The following TECRL variants were observed in gnomAD, a reference collection of about 807,000 sequenced individuals.
The protein encoded by TECRL is trans-2,3-enoyl-CoA reductase-like.
Under a neutral mutation model 52.8 loss-of-function variants are expected in TECRL, and 63 were observed. The ratio of observed to expected loss-of-function variants is 1.19; its 90% CI spans 0.97 to 1.47. The LOEUF is 1.47. Ranked by LOEUF, TECRL falls within the 40% of genes most tolerant of loss-of-function variation. The pLI is 0.00. For missense variants in TECRL, 482 were observed against 429.6 expected, an observed-to-expected ratio of 1.12 and a Z score of -1.08; for synonymous variants, 164 against 141.9, an observed-to-expected ratio of 1.16 and a Z score of -1.10.
At chr4:64,315,824 A>G (rs1717459139) in intron 4 of TECRL, among the ~76,000 whole-genome samples, 1 of 152,116 alleles carries the variant, frequency 6.6e-6, no homozygotes, top group African/African-American at 2.4e-5. Context: ...ATAGTAATTT[A>G]CATATGGAGG....
At chr4:64,374,718 A>G (rs1043192545) in intron 2 of TECRL, among the ~76,000 whole-genome samples, 10 of 152,060 alleles carry the variant, frequency 6.6e-5, no homozygotes, top group Non-Finnish European at 1.3e-4. Context: ...AGCTTCATCC[A>G]TGTCCCTACA....
intron 1 of TECRL, among the ~76,000 whole-genome samples, chr4:64,387,182 A>G (rs572258898): frequency 2.9e-4 from 44 of 152,204 alleles, no homozygotes; most frequent in African/African-American, 9.6e-4. Context: ...ACCTTTTCAG[A>G]TTGCATTTTT....
At chr4:64,400,699 T>A (rs1186231308) in intron 1 of TECRL, among the ~76,000 whole-genome samples, 1 of 152,054 alleles carries the variant, frequency 6.6e-6, no homozygotes. Context: ...GATCTGATTG[T>A]TTAAAAGTGT....
At chr4:64,358,325 A>G (rs1720928621) in intron 2 of TECRL, among the ~76,000 whole-genome samples, 1 of 151,836 alleles carries the variant, frequency 6.6e-6, no homozygotes, top group Admixed American at 6.6e-5. Flanking sequence ...CAACATCTAA[A>G]AAATATTGTT....
At chr4:64,296,596 A>G (rs1723697440) in intron 8 of TECRL, among the ~76,000 whole-genome samples, 1 of 151,784 alleles carries the variant, frequency 6.6e-6, no homozygotes, top group Non-Finnish European at 1.5e-5. Context: ...CCTTTTTGGT[A>G]AAATCCTCAT....
rs536453475 is a variant in TECRL at position 64,383,908 on chromosome 4, TC to T, written c.235-8686del. ...TGGCAAAAATTTTTTCCTGTAGATG[TC>T]CCTGTAGTGTTTGTTGGGCAGGGCA... On this transcript the variant is annotated intron_variant, in intron 1 of 11. Coordinates refer to ENST00000381210, the MANE Select transcript of TECRL (RefSeq NM_001010874.5). Among the ~76,000 whole-genome samples the T allele has an allele frequency of 2.2e-4, 34 of 152,196 alleles. 1 individual carries two copies. In the South Asian group the frequency reaches 3.7e-3, roughly 17 times the overall value.
chr4:64,363,589 C>G (rs1721355040), intron 2 of TECRL, among the ~76,000 whole-genome samples: 1 of 151,986 alleles, frequency 6.6e-6, no homozygotes, highest in Non-Finnish European at 1.5e-5. Context: ...CAACTTAGAA[C>G]TTTTTAAAAG....
At chr4:64,399,647 T>C (rs1042836940) in intron 1 of TECRL, among the ~76,000 whole-genome samples, 5 of 152,222 alleles carry the variant, frequency 3.3e-5, no homozygotes, top group African/African-American at 1.2e-4. Flanking sequence ...GCCTCCTGGC[T>C]GCTGGAGCTT....
chr4:64,299,672 T>C (rs1003063699), intron 8 of TECRL, among the ~76,000 whole-genome samples: 1 of 151,006 alleles, frequency 6.6e-6, no homozygotes, highest in African/African-American at 2.4e-5. Context: ...AAATTTTTGC[T>C]CTTTATAGGT....
At chr4:64,316,425 G>A (rs1717497911) in intron 4 of TECRL, among the ~76,000 whole-genome samples, 1 of 152,018 alleles carries the variant, frequency 6.6e-6, no homozygotes, top group Non-Finnish European at 1.5e-5. Context: ...TGTCCTGAAA[G>A]CACTAGAGAA....
At position 64,283,121 on chromosome 4, in the gene TECRL, T is replaced by A. The variant is rs541094097; in HGVS notation, c.833-1562A>T. ...ACGGTATTTGATCAATATTGAAAAT[T>A]GATTAACTCAATTCAGAAGAACATG... On this transcript the variant is annotated intron_variant, in intron 9 of 11. Transcript: ENST00000381210. Among the ~76,000 whole-genome samples the A allele has an allele frequency of 4.1e-4, 63 of 152,182 alleles. 1 individual carries two copies. Among genetic ancestry groups the A allele is most frequent in the Admixed American group, 3.8e-3 (58 of 15,252 alleles).
At chr4:64,287,726 A>G (rs1723153038) in intron 9 of TECRL, among the ~76,000 whole-genome samples, 1 of 152,198 alleles carries the variant, frequency 6.6e-6, no homozygotes, top group African/African-American at 2.4e-5. Context: ...CAACATTTTA[A>G]TGGGCATTTC....
At chr4:64,309,638 A>G (rs927946022) in intron 6 of TECRL, among the ~76,000 whole-genome samples, 188 bp downstream of exon 6, 10 of 152,174 alleles carry the variant, frequency 6.6e-5, no homozygotes, top group Non-Finnish European at 2.9e-5. Flanking sequence ...AAATCTTTCT[A>G]CAGGGTTAAG....
At chr4:64,305,425 G>T (rs1407648860) in intron 6 of TECRL, among the ~76,000 whole-genome samples, 187 bp from the exon 7 acceptor site, 1 of 152,050 alleles carries the variant, frequency 6.6e-6, no homozygotes, top group Non-Finnish European at 1.5e-5. Context: ...ATATTACTTT[G>T]CCCAATGTAA....
chr4:64,287,626 G>C (rs73228561), intron 9 of TECRL, among the ~76,000 whole-genome samples: 1,769 of 152,128 alleles, frequency 0.012, 46 homozygotes, highest in African/African-American at 0.041. Flanking sequence ...CAAATATACA[G>C]GTGAGTATAG....
chr4:64,404,497 G>A (rs565002460), intron 1 of TECRL, among the ~76,000 whole-genome samples: 20 of 152,084 alleles, frequency 1.3e-4, no homozygotes, highest in African/African-American at 4.1e-4. Context: ...TATTTTTAAT[G>A]TTCCAACAAA....
intron 1 of TECRL, among the ~76,000 whole-genome samples, chr4:64,393,451 A>G (rs1460850859): frequency 6.6e-6 from 1 of 152,052 alleles, no homozygotes; most frequent in Non-Finnish European, 1.5e-5. Context: ...AATCACAGAG[A>G]TGTTCGAATG....
At chr4:64,334,040 A>AAAAAAAAAAAAAAAAAAAAAAAAAAC (rs1718861098) in intron 2 of TECRL, among the ~76,000 whole-genome samples, 1 of 118,622 alleles carries the variant, frequency 8.4e-6, no homozygotes, top group African/African-American at 3.7e-5. Flanking sequence ...CAAAAAAAAA[A>AAAAAAAAAAAAAAAAAAAAAAAAAAC]AAAAAAAAAG....
chr4:64,302,360 A>G (rs1369856829), intron 7 of TECRL, among the ~76,000 whole-genome samples: 1 of 151,398 alleles, frequency 6.6e-6, no homozygotes, highest in Non-Finnish European at 1.5e-5. Flanking sequence ...GAATTCTGAA[A>G]GGAGTGGGAA....
Sources: gnomAD v4.1 joint callset for allele counts (sites outside exome capture counted in the v4.1 genomes callset) on GRCh38, gnomAD v4.1.1 for gene constraint, MANE v1.5 for transcripts, NCBI Gene and HGNC (gene_info 2026-07-23, HGNC 2026-07-21) for gene names.